Variants in ZDHHC21 observed in about 807,000 individuals in gnomAD.
ZDHHC21 encodes the protein palmitoyltransferase ZDHHC21.
Under a neutral mutation model 34.6 loss-of-function variants are expected in ZDHHC21, and 15 were observed. That is an observed-to-expected ratio of 0.43 (90% CI 0.29 to 0.67). ZDHHC21 has a LOEUF of 0.67. Ranked by LOEUF, ZDHHC21 falls within the 30% of genes least tolerant of loss-of-function variation. The pLI is 0.14. For synonymous variants in ZDHHC21, 142 were observed against 101.8 expected (o/e 1.40, Z -2.38); for missense variants, 344 against 327.7 (o/e 1.05, Z -0.38).
In ZDHHC21 at chr9:14,633,248, C is replaced by A. The variant is rs143011940; in HGVS notation, c.621+6648G>T. ...ATCAACAGAGAAGTGAATGGAAACA[C>A]CATCCTAAAGCAAGGACTGACAGGA... On this transcript the variant is annotated intron_variant, in intron 8 of 9. Coordinates refer to ENST00000380916, the MANE Select transcript of ZDHHC21 (RefSeq NM_178566.6). Among the ~76,000 whole-genome samples, 18 of 152,242 alleles carry A rather than the reference C, an allele frequency of 1.2e-4. No homozygotes were observed. The East Asian group carries it at 3.3e-3, about 28-fold the overall frequency.
At chr9:14,645,815 A>G (rs10120588) in intron 7 of ZDHHC21, among the ~76,000 whole-genome samples, 44,535 of 152,044 alleles carry the variant, frequency 0.29, 7,435 homozygotes, top group Non-Finnish European at 0.37. Context: ...ATATGAAAAG[A>G]GGTTCAGTAT....
chr9:14,648,053 G>T (rs1474656366), intron 7 of ZDHHC21, among the ~76,000 whole-genome samples: 1 of 151,926 alleles, frequency 6.6e-6, no homozygotes, highest in East Asian at 1.9e-4. Context: ...CTTCCGTCAG[G>T]CTCCCCCTCT....
intron 3 of ZDHHC21, among the ~76,000 whole-genome samples, chr9:14,675,859 G>C (rs761599569): frequency 1.3e-4 from 20 of 151,930 alleles, no homozygotes; most frequent in Non-Finnish European, 2.4e-4. Context: ...GTTAGTAAAA[G>C]TTATCTAAGC....
At chr9:14,627,296 T>A (rs1019089676) in intron 8 of ZDHHC21, among the ~76,000 whole-genome samples, 8 of 152,138 alleles carry the variant, frequency 5.3e-5, no homozygotes, top group African/African-American at 1.9e-4. Context: ...GTTAAAACTG[T>A]CACCCCTGCA....
intron 7 of ZDHHC21, among the ~76,000 whole-genome samples, chr9:14,654,065 G>T (rs766418503): frequency 6.6e-6 from 1 of 151,904 alleles, no homozygotes; most frequent in Non-Finnish European, 1.5e-5. Flanking sequence ...AGTACTGAAT[G>T]AAAAGTCAAG....
At chr9:14,645,027 A>G (rs1830053684) in intron 7 of ZDHHC21, among the ~76,000 whole-genome samples, 1 of 152,150 alleles carries the variant, frequency 6.6e-6, no homozygotes, top group Admixed American at 6.5e-5. Flanking sequence ...ACTGGTTCTT[A>G]GAGGGAGAAA....
intron 5 of ZDHHC21, among the ~76,000 whole-genome samples, chr9:14,671,240 G>C (rs958092212): frequency 1.3e-5 from 2 of 151,970 alleles, no homozygotes; most frequent in Non-Finnish European, 2.9e-5. Flanking sequence ...TGCTTGGTTT[G>C]TTTGACCCTC....
intron 1 of ZDHHC21, among the ~76,000 whole-genome samples, chr9:14,691,612 G>A (rs1265734757): frequency 6.6e-6 from 1 of 152,090 alleles, no homozygotes; most frequent in Non-Finnish European, 1.5e-5. Flanking sequence ...AAAGTACCTC[G>A]TAGGCAAAAG....
At chr9:14,642,728 G>C (rs1829583566) in intron 7 of ZDHHC21, among the ~76,000 whole-genome samples, 1 of 152,190 alleles carries the variant, frequency 6.6e-6, no homozygotes. Context: ...AAACTAACCT[G>C]CTGACACCCT....
At chr9:14,626,980 G>A (rs1826354816) in intron 8 of ZDHHC21, among the ~76,000 whole-genome samples, 1 of 151,930 alleles carries the variant, frequency 6.6e-6, no homozygotes, top group African/African-American at 2.4e-5. Flanking sequence ...CTTTATAGAA[G>A]TATATGTGAG....
chr9:14,638,858 A>G (rs1225104551), intron 8 of ZDHHC21, among the ~76,000 whole-genome samples: 1 of 152,086 alleles, frequency 6.6e-6, no homozygotes, highest in Non-Finnish European at 1.5e-5. Context: ...AAAGTAACAG[A>G]TGCTGGCAAA....
intron 9 of ZDHHC21, 126 bp from the exon 10 acceptor site, chr9:14,619,224 T>C: frequency 9.6e-7 from 1 of 1,046,868 alleles, no homozygotes; most frequent in Admixed American, 3.3e-5. Context: ...GCATCATAAA[T>C]ACAGCTTTTC....
At chr9:14,657,977 T>C (rs1055176727) in intron 7 of ZDHHC21, among the ~76,000 whole-genome samples, 1 of 152,192 alleles carries the variant, frequency 6.6e-6, no homozygotes, top group Admixed American at 6.5e-5. Context: ...TCTAAAACTA[T>C]AGTCCTAGCA....
the ZDHHC21 span, chr9:14,588,803 A>G: frequency 6.6e-6 from 1 of 152,154 alleles, no homozygotes; most frequent in Admixed American, 6.5e-5. Flanking sequence ...TCAATTCACA[A>G]TCAACTCTGG....
chr9:14,590,470 C>T, the ZDHHC21 span, among the ~76,000 whole-genome samples: 1 of 151,828 alleles, frequency 6.6e-6, no homozygotes, highest in African/African-American at 2.4e-5. Flanking sequence ...ACTTAAACTA[C>T]TAAAAACCAG....
chr9:14,664,027 A>C (rs979167276), intron 5 of ZDHHC21, among the ~76,000 whole-genome samples: 1 of 152,190 alleles, frequency 6.6e-6, no homozygotes, highest in African/African-American at 2.4e-5. Flanking sequence ...GAATAGGAAC[A>C]GCTCCGGTCT....
In ZDHHC21 at chr9:14,623,353, A is replaced by C. The variant is rs117337790; in HGVS notation, c.622-3671T>G. On this transcript the variant is annotated intron_variant, in intron 8 of 9. Transcript: ENST00000380916. ...TATAGTGAGAGCCTGTCTCTACAAA[A>C]ACAAAACAAAACCTTTAAAAAATTA... 6.2e-3 allele frequency among the ~76,000 whole-genome samples: 939 copies of C among 152,122 alleles called. 6 individuals carry two copies. The highest frequency in any genetic ancestry group is 9.2e-3 in the Non-Finnish European group (624 of 67,994).
At chr9:14,640,042 A>C in intron 7 of ZDHHC21, 30 bp from the exon 8 acceptor site, 1 of 1,389,042 alleles carries the variant, frequency 7.2e-7, no homozygotes, top group African/African-American at 1.4e-5. Context: ...CTTAAAAACC[A>C]TTCAGAGTTG....
intron 2 of ZDHHC21, among the ~76,000 whole-genome samples, chr9:14,686,276 TTAAA>T (rs1242046304): frequency 4.0e-5 from 6 of 150,838 alleles, no homozygotes; most frequent in African/African-American, 1.5e-4. Flanking sequence ...CTGGGAGAAT[TTAAA>T]TAAATAAAAC....
Sources: allele counts gnomAD v4.1 joint callset (sites outside exome capture counted in the v4.1 genomes callset), GRCh38; gene constraint gnomAD v4.1.1; transcripts MANE v1.5; gene names NCBI Gene and HGNC (gene_info 2026-07-23, HGNC 2026-07-21).